GPR158: variants seen among roughly 807,000 people sequenced by gnomAD.
The protein encoded by GPR158 is G protein-coupled receptor 158.
Under a neutral mutation model 78.2 loss-of-function variants are expected in GPR158, and 30 were observed. The observed-to-expected ratio is 0.38, with a 90% CI of 0.29 to 0.52. The LOEUF is 0.52. GPR158 is among the 20% of genes least tolerant of loss of function. The probability of loss-of-function intolerance (pLI) is 0.83; values close to 1 mark genes in which losing one functional copy is unlikely to be tolerated. For missense variants in GPR158, 1,463 were observed against 1,523.5 expected, an observed-to-expected ratio of 0.96 and a Z score of 0.66; for synonymous variants, 581 against 591.1, an observed-to-expected ratio of 0.98 and a Z score of 0.25.
At chr10:25,485,951 C>G (rs1360341744) in intron 5 of GPR158, among the ~76,000 whole-genome samples, 8 of 152,066 alleles carry the variant, frequency 5.3e-5, no homozygotes, top group Admixed American at 3.3e-4. Flanking sequence ...GATTAGTGCC[C>G]TTTTAAAAGA....
At chr10:25,444,184 C>T (rs574420928) in intron 4 of GPR158, among the ~76,000 whole-genome samples, 3 of 150,682 alleles carry the variant, frequency 2.0e-5, no homozygotes, top group Admixed American at 1.3e-4. Flanking sequence ...CAGTCTGTGA[C>T]GTGTGTTTTT....
chr10:25,241,177 CTTT>C (rs1490527910), intron 2 of GPR158, among the ~76,000 whole-genome samples: 1,628 of 84,100 alleles, frequency 0.019, 40 homozygotes, highest in African/African-American at 0.073. Flanking sequence ...TTCTTTCTTT[CTTT>C]CTTTCTTTCC....
intron 4 of GPR158, among the ~76,000 whole-genome samples, chr10:25,433,479 G>C (rs1834940907): frequency 6.6e-6 from 1 of 151,664 alleles, no homozygotes; most frequent in African/African-American, 2.4e-5. Context: ...GAATTTAGCA[G>C]TATCATTTAA....
At position 25,596,344 on chromosome 10, in the gene GPR158, G is replaced by A. The variant is rs550084163; in HGVS notation, c.1999-299G>A. On this transcript the variant is annotated intron_variant, in intron 9 of 10. Transcript: ENST00000376351. ...TGTGGAAGAGTAAAGTAAAGATTCC[G>A]TTTACCAGGGAGGCTGGAGCAGGAG... is the stretch of plus-strand genomic sequence containing the variant. Among the ~76,000 whole-genome samples the A allele has an allele frequency of 3.4e-4, 52 of 152,138 alleles. No homozygotes were observed. In the South Asian group the frequency reaches 4.6e-3, roughly 13 times the overall value.
intron 2 of GPR158, among the ~76,000 whole-genome samples, chr10:25,298,336 C>A (rs963397733): frequency 2.6e-5 from 4 of 152,108 alleles, no homozygotes; most frequent in African/African-American, 9.7e-5. Context: ...ATTTTCAAGG[C>A]AATCTTTTAA....
intron 8 of GPR158, among the ~76,000 whole-genome samples, chr10:25,593,796 A>G (rs1207574589): frequency 6.6e-6 from 1 of 150,424 alleles, no homozygotes; most frequent in Non-Finnish European, 1.5e-5. Context: ...GTTTCATTAA[A>G]TTGTTTTATC....
Position 25,598,254 on chromosome 10 carries a change from G to C in GPR158, c.2628G>C (p.Val876=). ...AGTCCACGGAGTCGGTGCCGTTGGT[G>C]TGCAAGTCAGCAAGCGCTCACAACC... is the stretch of plus-strand genomic sequence containing the variant. The part of the protein sequence containing the change: ...EAESTESVPL[V]CKSASAHNLS... The change falls in exon 11 of 11, where the codon GTG becomes GTC. Residue 876 remains valine, a synonymous_variant. Coordinates refer to ENST00000376351, the MANE Select transcript of GPR158 (RefSeq NM_020752.3). The C allele has an allele frequency of 6.2e-7, 1 of 1,614,094 alleles. No homozygotes were observed. The highest frequency in any genetic ancestry group is 8.5e-7 in the Non-Finnish European group (1 of 1,180,014).
intron 4 of GPR158, among the ~76,000 whole-genome samples, chr10:25,440,724 T>G (rs1835056479): frequency 6.6e-6 from 1 of 152,212 alleles, no homozygotes; most frequent in African/African-American, 2.4e-5. Context: ...TATTTAAAGT[T>G]TGTCTGCTGA....
intron 6 of GPR158, among the ~76,000 whole-genome samples, chr10:25,566,334 A>G (rs1202544713): frequency 6.6e-6 from 1 of 152,170 alleles, no homozygotes; most frequent in Non-Finnish European, 1.5e-5. Context: ...TTTTAAGCAT[A>G]TATCTTCAAT....
chr10:25,226,276 T>TA (rs764317386), intron 2 of GPR158, among the ~76,000 whole-genome samples: 1 of 152,194 alleles, frequency 6.6e-6, no homozygotes, highest in Non-Finnish European at 1.5e-5. Context: ...ATAGCCCATG[T>TA]AACTAGTGGC....
At chr10:25,247,137 A>G (rs1050627058) in intron 2 of GPR158, among the ~76,000 whole-genome samples, 1 of 152,122 alleles carries the variant, frequency 6.6e-6, no homozygotes, top group African/African-American at 2.4e-5. Flanking sequence ...TCTTTTCCTG[A>G]GAAGGTCATT....
chr10:25,222,336 C>A (rs1214686065), intron 2 of GPR158, among the ~76,000 whole-genome samples: 1 of 146,154 alleles, frequency 6.8e-6, no homozygotes, highest in Non-Finnish European at 1.5e-5. Flanking sequence ...TGTAAGAAGC[C>A]CCCGTAATGC....
rs77886764 is a variant in GPR158, at chr10:25,208,648, T to A, written c.903-12404T>A. On this transcript the variant is annotated intron_variant, in intron 1 of 10. Coordinates refer to ENST00000376351, the MANE Select transcript of GPR158 (RefSeq NM_020752.3). ...AAAGACCAGAGAGAAGCACTGGAACTGTGTCACATTGTGCTGGCAGCAAGA... is the reference window on the plus strand; with the variant it reads ...AAAGACCAGAGAGAAGCACTGGAACAGTGTCACATTGTGCTGGCAGCAAGA... 6.6e-3 allele frequency among the ~76,000 whole-genome samples: 1,008 copies of A among 151,604 alleles called. 13 individuals are homozygous for A. Among genetic ancestry groups the A allele is most frequent in the African/African-American group, 0.023 (966 of 41,284 alleles).
At chr10:25,484,067 C>T (rs1478959936) in intron 5 of GPR158, among the ~76,000 whole-genome samples, 2 of 152,070 alleles carry the variant, frequency 1.3e-5, no homozygotes, top group Non-Finnish European at 2.9e-5. Flanking sequence ...ATAAAGAGAC[C>T]GGAATTCTAA....
At chr10:25,270,075 G>A (rs1366612628) in intron 2 of GPR158, among the ~76,000 whole-genome samples, 2 of 152,142 alleles carry the variant, frequency 1.3e-5, no homozygotes, top group East Asian at 3.9e-4. Context: ...GGAGATCTAC[G>A]GGTTGATGGT....
At chr10:25,569,150 G>A (rs1836970199) in intron 6 of GPR158, among the ~76,000 whole-genome samples, 2 of 152,160 alleles carry the variant, frequency 1.3e-5, no homozygotes, top group South Asian at 4.1e-4. Context: ...AGACTCATGA[G>A]GGATTTTGCT....
At chr10:25,215,676 A>G (rs1853201061) in intron 1 of GPR158, among the ~76,000 whole-genome samples, 1 of 152,114 alleles carries the variant, frequency 6.6e-6, no homozygotes, top group South Asian at 2.1e-4. Context: ...CTCTACTAAA[A>G]ATACAAAAAT....
chr10:25,589,570 C>G (rs1588926156), intron 8 of GPR158, among the ~76,000 whole-genome samples: 1 of 152,166 alleles, frequency 6.6e-6, no homozygotes, highest in Non-Finnish European at 1.5e-5. Flanking sequence ...ATATAGACAA[C>G]TTGTATGTAT....
chr10:25,416,541 C>G (rs1008597284), intron 4 of GPR158, among the ~76,000 whole-genome samples: 3 of 152,048 alleles, frequency 2.0e-5, no homozygotes, highest in African/African-American at 7.2e-5. Context: ...GGGTATTGAT[C>G]ATGAAGTCAT....
Sources: gnomAD v4.1 joint callset for allele counts (sites outside exome capture counted in the v4.1 genomes callset) on GRCh38, gnomAD v4.1.1 for gene constraint, MANE v1.5 for transcripts, NCBI Gene and HGNC (gene_info 2026-07-23, HGNC 2026-07-21) for gene names.